The following MAST4 variants were observed in gnomAD, a reference collection of about 807,000 sequenced individuals.
MAST4 encodes microtubule associated serine/threonine kinase family member 4, also known as microtubule-associated serine/threonine-protein kinase 4.
A neutral mutation model predicts 162.7 loss-of-function variants in MAST4; 89 were observed. The ratio of observed to expected loss-of-function variants is 0.55; its 90% CI spans 0.46 to 0.65. MAST4 has a LOEUF of 0.65. Ranked by LOEUF, MAST4 falls within the 30% of genes least tolerant of loss-of-function variation. The pLI is 0.00. For synonymous variants in MAST4, 1,479 were observed against 1,361.1 expected (o/e 1.09, Z -1.91); for missense variants, 3,153 against 3,374.0 (o/e 0.93, Z 1.62).
intron 4 of MAST4, among the ~76,000 whole-genome samples, chr5:66,909,243 C>G (rs768574122): frequency 2.0e-5 from 3 of 152,112 alleles, no homozygotes; most frequent in Non-Finnish European, 4.4e-5. Flanking sequence ...CCTAAGGACA[C>G]GAGCTCTCTA....
intron 1 of MAST4, among the ~76,000 whole-genome samples, chr5:66,740,330 G>A (rs1212934619): frequency 6.6e-6 from 1 of 152,146 alleles, no homozygotes; most frequent in Non-Finnish European, 1.5e-5. Context: ...TGATCTTGAG[G>A]AACACAGTGA....
chr5:66,938,658 A>G (rs1286195535), intron 4 of MAST4, among the ~76,000 whole-genome samples: 1 of 152,212 alleles, frequency 6.6e-6, no homozygotes, highest in Non-Finnish European at 1.5e-5. Context: ...CCATGACTGC[A>G]CTAAGGTGAT....
At chr5:66,724,018 A>G (rs1751369010) in intron 1 of MAST4, among the ~76,000 whole-genome samples, 1 of 152,120 alleles carries the variant, frequency 6.6e-6, no homozygotes, top group South Asian at 2.1e-4. Flanking sequence ...TTGAAGGGAA[A>G]CAAGGGGGAT....
chr5:66,641,057 T>G (rs1745458373), intron 1 of MAST4, among the ~76,000 whole-genome samples: 1 of 152,202 alleles, frequency 6.6e-6, no homozygotes, highest in African/African-American at 2.4e-5. Context: ...ATTGGATTAT[T>G]CAGTTCTTTT....
chr5:67,144,859 T>C lies in MAST4; in HGVS notation c.2858+63T>C, dbSNP rs1367161586. 5.2e-6 allele frequency: 8 copies of C among 1,529,932 alleles called. No individual in the cohort carries two copies. The African/African-American group carries it at 5.6e-5, about 11-fold the overall frequency. 94.8% of individuals were successfully genotyped at this position (1,529,932 alleles called of 1,614,324 possible). On this transcript the variant is annotated intron_variant, in intron 22 of 28. Transcript: ENST00000403625. ...TACTAGAGCAGAGTTTCTTAAACTT[T>C]AGTGAGCATCAGAATACCTGGGGGG... is the stretch of plus-strand genomic sequence containing the variant.
At chr5:66,738,789 A>G (rs1283277337) in intron 1 of MAST4, among the ~76,000 whole-genome samples, 7 of 152,140 alleles carry the variant, frequency 4.6e-5, no homozygotes, top group Non-Finnish European at 8.8e-5. Context: ...TGCACTGTGA[A>G]CCACACCATA....
intron 1 of MAST4, among the ~76,000 whole-genome samples, chr5:66,752,864 A>G (rs1194421750): frequency 6.6e-6 from 1 of 152,078 alleles, no homozygotes; most frequent in African/African-American, 2.4e-5. Flanking sequence ...ACCACACCAC[A>G]CCCACACCTA....
At chr5:66,934,859 C>T (rs1191325353) in intron 4 of MAST4, among the ~76,000 whole-genome samples, 4 of 152,158 alleles carry the variant, frequency 2.6e-5, no homozygotes, top group Non-Finnish European at 4.4e-5. Flanking sequence ...TCTCTGCCGT[C>T]AGTGGTAACA....
chr5:67,020,494 A>T (rs1175121011), intron 4 of MAST4, among the ~76,000 whole-genome samples: 4 of 152,204 alleles, frequency 2.6e-5, no homozygotes, highest in Non-Finnish European at 5.9e-5. Context: ...GTTTACCAGC[A>T]TGTTTAACGT....
At chr5:67,100,674 G>A in intron 8 of MAST4, 82 bp downstream of exon 8, 1 of 1,522,608 alleles carries the variant, frequency 6.6e-7, no homozygotes, top group East Asian at 2.3e-5. Flanking sequence ...GGTCCTTTAG[G>A]TCATATGTGT....
At chr5:67,099,131 C>T (rs1297707046) in intron 7 of MAST4, among the ~76,000 whole-genome samples, 1 of 151,932 alleles carries the variant, frequency 6.6e-6, no homozygotes, top group Non-Finnish European at 1.5e-5. Flanking sequence ...CCTTATCTTT[C>T]CTCTTATCAC....
At chr5:66,743,688 G>A (rs559736880) in intron 1 of MAST4, among the ~76,000 whole-genome samples, 88 of 152,320 alleles carry the variant, frequency 5.8e-4, no homozygotes, top group African/African-American at 2.0e-3. Context: ...TCAGCCCAGG[G>A]AAACAGGAGG....
At chr5:66,631,501 G>T (rs1580049958) in intron 1 of MAST4, among the ~76,000 whole-genome samples, 1 of 152,252 alleles carries the variant, frequency 6.6e-6, no homozygotes, top group Admixed American at 6.5e-5. Context: ...CCACAGTAGG[G>T]CTGAGTGTCA....
rs1283001575 is a variant in MAST4 at position 67,166,249 on chromosome 5, G to GC, written c.7073dup (p.Ser2359GlufsTer18). 1 of 1,552,610 alleles carries GC rather than the reference G, an allele frequency of 6.4e-7. No individual in the cohort carries two copies. The highest frequency in any genetic ancestry group is 2.4e-5 in the East Asian group (1 of 41,006). ...ACAGACAACAGACAGACAGACAAAA[G>GC]CCCGAGTCAGCCGGCCGCCAACACC... On this transcript the variant is annotated frameshift_variant, in exon 29 of 29. Transcript: ENST00000403625. LOFTEE classifies it low-confidence loss of function (END_TRUNC).
At chr5:66,816,507 G>A (rs1756733360) in intron 3 of MAST4, among the ~76,000 whole-genome samples, 1 of 152,166 alleles carries the variant, frequency 6.6e-6, no homozygotes, top group African/African-American at 2.4e-5. Context: ...AGTGTAGTAA[G>A]CAGAAGGAAA....
Position 66,992,876 on chromosome 5 carries a change from T to A in MAST4, c.675-61528T>A, listed in dbSNP as rs1750208606. 5.9e-5 allele frequency among the ~76,000 whole-genome samples: 9 copies of A among 152,206 alleles called. No individual in the cohort carries two copies. The South Asian group carries it at 1.9e-3, about 31-fold the overall frequency. On this transcript the variant is annotated intron_variant, in intron 4 of 28. Coordinates refer to ENST00000403625, the MANE Select transcript of MAST4 (RefSeq NM_001164664.2). ...GGTGGTGGCCAGCAGATTGCAAACC[T>A]TGAGCACTGTTGATGTAGCACTCTT...
chr5:67,069,272 TAAAG>T (rs1161716769), intron 5 of MAST4, among the ~76,000 whole-genome samples: 2 of 103,918 alleles, frequency 1.9e-5, no homozygotes, highest in East Asian at 4.5e-4. Flanking sequence ...CCTTTTCTGT[TAAAG>T]GAGGAGATTG....
At chr5:66,922,270 AG>A (rs1342430289) in intron 4 of MAST4, among the ~76,000 whole-genome samples, 1 of 152,162 alleles carries the variant, frequency 6.6e-6, no homozygotes, top group Non-Finnish European at 1.5e-5. Flanking sequence ...TCCTATTAAG[AG>A]ATGAGTTGAG....
At chr5:66,612,632 T>G (rs1743367185) in intron 1 of MAST4, among the ~76,000 whole-genome samples, 1 of 152,200 alleles carries the variant, frequency 6.6e-6, no homozygotes, top group African/African-American at 2.4e-5. Context: ...TCGACCTGAA[T>G]GTGCACAGTG....
Sources: allele counts gnomAD v4.1 joint callset (sites outside exome capture counted in the v4.1 genomes callset), GRCh38; gene constraint gnomAD v4.1.1; transcripts MANE v1.5; gene names NCBI Gene and HGNC (gene_info 2026-07-23, HGNC 2026-07-21).